FGF13: variants seen among roughly 807,000 people sequenced by gnomAD.
FGF13 encodes fibroblast growth factor 13.
In FGF13, 2 loss-of-function variants were observed where a neutral mutation model predicts 19.5. The observed-to-expected ratio is 0.10, with a 90% CI of 0.04 to 0.32. The LOEUF (loss-of-function observed/expected upper bound fraction) is 0.32. Among genes scored for constraint, FGF13 ranks in the 10% least tolerant of loss-of-function variants. FGF13 has a pLI of 1.00. For missense variants in FGF13, 113 were observed against 192.7 expected, an observed-to-expected ratio of 0.59 and a Z score of 2.45; for synonymous variants, 72 against 76.9, an observed-to-expected ratio of 0.94 and a Z score of 0.33.
chrX:138,773,554 T>C (rs966447975), intron 3 of FGF13, among the ~76,000 whole-genome samples: 4 of 112,390 alleles, frequency 3.6e-5, no homozygotes, highest in Non-Finnish European at 7.5e-5. Context: ...ATGTTATCCA[T>C]GTTTCATAAA....
chrX:138,975,881 G>A lies in FGF13; in HGVS notation c.-112-111231C>T, dbSNP rs550114849. Reference sequence around the variant, plus strand: ...GTTGTGTTTTAGGAAGCCTAAGCTGGCAGCAATGTGAATATACTGGGAAGG... The same window carrying A: ...GTTGTGTTTTAGGAAGCCTAAGCTGACAGCAATGTGAATATACTGGGAAGG... On this transcript the variant is annotated intron_variant, in intron 1 of 2. Coordinates refer to the FGF13 transcript ENST00000421460. Among the ~76,000 whole-genome samples, 4 of 111,821 alleles carry A rather than the reference G, an allele frequency of 3.6e-5. No individual in the cohort carries two copies. The South Asian group carries it at 1.5e-3, about 42-fold the overall frequency.
At chrX:139,127,624 G>C (rs921104471) in intron 1 of FGF13, among the ~76,000 whole-genome samples, 1 of 111,746 alleles carries the variant, frequency 8.9e-6, no homozygotes, top group Non-Finnish European at 1.9e-5. Flanking sequence ...GGGGGAAACA[G>C]CTGAGGCTGC....
chrX:139,002,904 G>A (rs779293372), intron 1 of FGF13, among the ~76,000 whole-genome samples: 67 of 111,928 alleles, frequency 6.0e-4, no homozygotes, highest in Admixed American at 2.8e-4. Flanking sequence ...TAGGCCTTGC[G>A]TGAGACTCTA....
At chrX:139,035,712 C>T (rs1383143910) in intron 1 of FGF13, among the ~76,000 whole-genome samples, 3 of 111,139 alleles carry the variant, frequency 2.7e-5, no homozygotes, top group African/African-American at 9.8e-5. Context: ...AGGTCCAGCA[C>T]CTAATACTGA....
downstream of FGF13, among the ~76,000 whole-genome samples, chrX:138,856,389 C>T (rs149730525): frequency 3.0e-3 from 339 of 111,585 alleles, no homozygotes; most frequent in African/African-American, 1.0e-2. Context: ...TCCAAAACTA[C>T]GGACTAGAGT....
chrX:138,691,382 G>T (rs12397261), intron 3 of FGF13, among the ~76,000 whole-genome samples: 1 of 111,708 alleles, frequency 9.0e-6, no homozygotes, highest in East Asian at 2.8e-4. Flanking sequence ...TTGTGGCCAG[G>T]ATATAGCAGT....
intron 1 of FGF13, among the ~76,000 whole-genome samples, chrX:139,131,860 TTCC>T (rs2083764818): frequency 8.9e-6 from 1 of 112,311 alleles, no homozygotes; most frequent in Non-Finnish European, 1.9e-5. Context: ...ATTTTTCTTA[TTCC>T]TTCCTTTGCT....
chrX:138,897,395 G>A (rs1201233864), intron 1 of FGF13, among the ~76,000 whole-genome samples: 1 of 111,074 alleles, frequency 9.0e-6, no homozygotes, highest in Non-Finnish European at 1.9e-5. Flanking sequence ...ACTCTATTCA[G>A]CCTTGCTTGG....
intron 1 of FGF13, among the ~76,000 whole-genome samples, chrX:139,005,550 C>T (rs2092097583): frequency 9.1e-6 from 1 of 110,059 alleles, no homozygotes; most frequent in Admixed American, 9.7e-5. Flanking sequence ...CAAGCATCAA[C>T]ACCATCCTGA....
chrX:138,911,334 C>A (rs930890601), intron 1 of FGF13, among the ~76,000 whole-genome samples: 1 of 110,357 alleles, frequency 9.1e-6, no homozygotes, highest in Non-Finnish European at 1.9e-5. Context: ...GAGCTGGAGG[C>A]CATCATCCCT....
At chrX:138,781,397 C>A (rs1194219996) in intron 3 of FGF13, among the ~76,000 whole-genome samples, 1 of 109,821 alleles carries the variant, frequency 9.1e-6, no homozygotes, top group Non-Finnish European at 1.9e-5. Flanking sequence ...TTGAAAAGAT[C>A]AACAAAATTG....
At chrX:138,953,810 T>C (rs1407361249) in intron 1 of FGF13, among the ~76,000 whole-genome samples, 1 of 110,400 alleles carries the variant, frequency 9.1e-6, no homozygotes, top group Admixed American at 9.7e-5. Flanking sequence ...GAAAAACAGC[T>C]AGATACAAAG....
In FGF13 at chrX:138,631,937, T is replaced by C. The variant is rs2089121100; in HGVS notation, c.*913A>G. 8.9e-6 allele frequency: 1 copy of C among 111,938 alleles called. No individual in the cohort carries two copies. The highest frequency in any genetic ancestry group is 3.7e-4 in the South Asian group (1 of 2,702). The allele number at this position is 111,938 out of a possible 1,213,427, so 9.2% of individuals were successfully genotyped here. ...ATACAATGACAGGAAGACTCATACA[T>C]ATACAGATAAGACATTTCTTATTTT... On this transcript the variant is annotated 3_prime_UTR_variant, in exon 5 of 5. Coordinates refer to ENST00000315930, the MANE Select transcript of FGF13 (RefSeq NM_004114.5).
intron 3 of FGF13, among the ~76,000 whole-genome samples, chrX:138,779,679 T>C (rs2090622117): frequency 9.0e-6 from 1 of 110,546 alleles, no homozygotes; most frequent in Non-Finnish European, 1.9e-5. Context: ...AGACCAAATC[T>C]ACGTCTGATT....
chrX:139,070,783 T>C (rs900768946), intron 1 of FGF13, among the ~76,000 whole-genome samples: 3 of 111,962 alleles, frequency 2.7e-5, no homozygotes, highest in Non-Finnish European at 5.6e-5. Flanking sequence ...GTGGCACATA[T>C]ACACTATGGA....
At chrX:139,170,199 T>C (rs1368484080) in intron 1 of FGF13, among the ~76,000 whole-genome samples, 1 of 111,766 alleles carries the variant, frequency 8.9e-6, no homozygotes, top group Non-Finnish European at 1.9e-5. Context: ...TTGCCCAGAC[T>C]CTCTCTAAGC....
chrX:138,694,986 AACACACACACACACACACACACAC>A (rs745359063), intron 3 of FGF13, among the ~76,000 whole-genome samples: 2 of 84,759 alleles, frequency 2.4e-5, no homozygotes, highest in South Asian at 1.4e-3. Context: ...TACTAGTTGA[AACACACACACACACACACACACAC>A]ACACACACAC....
At chrX:139,095,516 T>C (rs1031418055) in intron 1 of FGF13, among the ~76,000 whole-genome samples, 3 of 111,877 alleles carry the variant, frequency 2.7e-5, no homozygotes, top group Non-Finnish European at 5.6e-5. Flanking sequence ...GCTTGGGTAG[T>C]AGAATAATAG....
chrX:139,084,939 C>A (rs1050172145), intron 1 of FGF13, among the ~76,000 whole-genome samples: 1 of 111,682 alleles, frequency 9.0e-6, no homozygotes, highest in African/African-American at 3.3e-5. Context: ...CTCCTGGCCC[C>A]TTTTGAACTT....
Sources: allele counts gnomAD v4.1 joint callset (sites outside exome capture counted in the v4.1 genomes callset), GRCh38; gene constraint gnomAD v4.1.1; transcripts MANE v1.5; gene names NCBI Gene and HGNC (gene_info 2026-07-23, HGNC 2026-07-21).